PBX3: variants seen among roughly 807,000 people sequenced by gnomAD.
PBX3 encodes the protein pre-B-cell leukemia transcription factor 3.
In PBX3, 14 loss-of-function variants were observed where a neutral mutation model predicts 48.5. That is an observed-to-expected ratio of 0.29 (90% CI 0.19 to 0.45). PBX3 has a LOEUF of 0.45. Ranked by LOEUF, PBX3 falls within the 20% of genes least tolerant of loss-of-function variation. PBX3 has a pLI of 1.00. For synonymous variants in PBX3, 210 were observed against 200.3 expected, an observed-to-expected ratio of 1.05 and a Z score of -0.41; for missense variants, 386 against 546.7, an observed-to-expected ratio of 0.71 and a Z score of 2.93.
At chr9:125,794,628 T>TA (rs539613462) in intron 2 of PBX3, among the ~76,000 whole-genome samples, 54 of 151,128 alleles carry the variant, frequency 3.6e-4, no homozygotes, top group Admixed American at 1.1e-3. Context: ...CCTAAACAAT[T>TA]ATAATTACTC....
intron 3 of PBX3, among the ~76,000 whole-genome samples, chr9:125,928,416 G>T (rs1841633417): frequency 6.7e-6 from 1 of 148,342 alleles, no homozygotes; most frequent in Non-Finnish European, 1.5e-5. Flanking sequence ...GTGTGTGTGT[G>T]TGTGTGTTTT....
intron 2 of PBX3, among the ~76,000 whole-genome samples, chr9:125,760,703 A>T (rs749279370): frequency 3.3e-5 from 5 of 152,208 alleles, no homozygotes; most frequent in Non-Finnish European, 7.4e-5. Flanking sequence ...TGCCAAAATG[A>T]ACCATACCTT....
intron 5 of PBX3, among the ~76,000 whole-genome samples, chr9:125,946,568 A>C (rs1254780696): frequency 3.9e-5 from 6 of 152,204 alleles, no homozygotes; most frequent in Non-Finnish European, 8.8e-5. Context: ...TGTTAGAATC[A>C]AAATTAAGAA....
At position 125,759,674 on chromosome 9, in the gene PBX3, A is replaced by T. The variant is rs1472370596; in HGVS notation, c.274+11051A>T. ...GTGTTTTTGTGGCCCTCTCATCCGT[A>T]GCTAGGAGCAGTTTGTGGACCGCGT... is the stretch of plus-strand genomic sequence containing the variant. On this transcript the variant is annotated intron_variant, in intron 2 of 8. Coordinates refer to ENST00000373489, the MANE Select transcript of PBX3 (RefSeq NM_006195.6). The surrounding 1 kb of genome is among the most constrained non-coding windows in gnomAD (Gnocchi z 4.2). 6.6e-6 allele frequency among the ~76,000 whole-genome samples: 1 copy of T among 152,224 alleles called. No individual in the cohort carries two copies. Among genetic ancestry groups the T allele is most frequent in the African/African-American group, 2.4e-5 (1 of 41,464 alleles).
intron 2 of PBX3, 46 bp from the exon 3 acceptor site, chr9:125,915,640 G>A (rs1232536363): frequency 1.4e-6 from 2 of 1,472,348 alleles, no homozygotes; most frequent in African/African-American, 1.4e-5. Flanking sequence ...TTTGTCCTCT[G>A]TTTCTCGCTT....
At position 125,915,856 on chromosome 9, in the gene PBX3, C is replaced by T; in HGVS notation, c.445C>T (p.His149Tyr). The T allele has an allele frequency of 6.2e-7, 1 of 1,614,048 alleles. No individual in the cohort carries two copies. The highest frequency in any genetic ancestry group is 8.5e-7 in the Non-Finnish European group (1 of 1,179,986). ...AGGTTCTTCAGATAACTCTATTGAACACTCAGATTACAGAGCCAAATTGAC... is the reference window on the plus strand; with the variant it reads ...AGGTTCTTCAGATAACTCTATTGAATACTCAGATTACAGAGCCAAATTGAC... ...SGGSSDNSIE[H>Y]SDYRAKLTQI... Residue 149 changes from histidine to tyrosine, a missense_variant, in exon 3 of 9, where the codon CAC becomes TAC. His to Tyr is a moderately conservative substitution (Grantham distance 83, BLOSUM62 2). This residue lies in a region of PBX3 where 69 missense variants were observed against 99.1 expected (regional missense o/e 0.70). Coordinates refer to ENST00000373489, the MANE Select transcript of PBX3 (RefSeq NM_006195.6).
chr9:125,778,605 C>CTTTTTTTTTTTTTTTTTTTCTTT (rs138965100), intron 2 of PBX3, among the ~76,000 whole-genome samples: 1 of 132,902 alleles, frequency 7.5e-6, no homozygotes, highest in African/African-American at 2.8e-5. Context: ...TTGATCTTTT[C>CTTTTTTTTTTTTTTTTTTTCTTT]TTTTTTTTTT....
chr9:125,929,881 C>G, intron 4 of PBX3, 36 bp downstream of exon 4: 1 of 1,469,702 alleles, frequency 6.8e-7, no homozygotes, highest in Non-Finnish European at 9.5e-7. Flanking sequence ...ATGGCTTTCC[C>G]CCGTCTGTCA....
intron 2 of PBX3, among the ~76,000 whole-genome samples, chr9:125,823,353 C>T (rs1391130082): frequency 6.6e-6 from 1 of 152,178 alleles, no homozygotes; most frequent in Non-Finnish European, 1.5e-5. Flanking sequence ...GTACATGCTG[C>T]TCAGAAAATG....
chr9:125,747,977 C>G (rs1836246262), intron 1 of PBX3, among the ~76,000 whole-genome samples: 1 of 151,678 alleles, frequency 6.6e-6, no homozygotes, highest in Non-Finnish European at 1.5e-5. Context: ...CGGGCCGCGC[C>G]GCCGGGAAGT....
intron 2 of PBX3, among the ~76,000 whole-genome samples, chr9:125,761,038 C>A (rs1836652376): frequency 1.3e-5 from 2 of 152,042 alleles, no homozygotes; most frequent in South Asian, 4.1e-4. Flanking sequence ...AACGTTTTAT[C>A]ATATTTATTT....
intron 2 of PBX3, among the ~76,000 whole-genome samples, chr9:125,802,569 A>G (rs898420723): frequency 6.6e-6 from 1 of 151,750 alleles, no homozygotes; most frequent in African/African-American, 2.4e-5. Context: ...GGGTTTCACT[A>G]TGTTGTCCAG....
At chr9:125,847,733 T>A (rs923962689) in intron 2 of PBX3, among the ~76,000 whole-genome samples, 8 of 151,560 alleles carry the variant, frequency 5.3e-5, no homozygotes, top group East Asian at 3.9e-4. Flanking sequence ...TTTTTTTTTT[T>A]AACTGTGTTT....
intron 2 of PBX3, chr9:125,843,708 C>G (rs954441864): frequency 4.7e-6 from 2 of 427,764 alleles, no homozygotes; most frequent in Non-Finnish European, 9.5e-6. Flanking sequence ...CTCTGTTATG[C>G]TTTTAGTAGT....
chr9:125,916,845 G>A (rs890400635), intron 3 of PBX3, among the ~76,000 whole-genome samples: 4 of 152,052 alleles, frequency 2.6e-5, no homozygotes, highest in African/African-American at 4.8e-5. Context: ...TTTTAAAAAC[G>A]TATTATGAAA....
chr9:125,767,059 T>C (rs1836818041), intron 2 of PBX3, among the ~76,000 whole-genome samples: 1 of 152,230 alleles, frequency 6.6e-6, no homozygotes, highest in South Asian at 2.1e-4. Flanking sequence ...TGTGTTGCTG[T>C]CGCTCATCAG....
intron 2 of PBX3, among the ~76,000 whole-genome samples, chr9:125,788,262 A>G (rs529731044): frequency 6.6e-6 from 1 of 152,322 alleles, no homozygotes; most frequent in Non-Finnish European, 1.5e-5. Flanking sequence ...TATTATGTGA[A>G]TATTTACTAA....
intron 2 of PBX3, among the ~76,000 whole-genome samples, chr9:125,793,366 A>AAATATATATATATATATAT (rs59271982): frequency 9.8e-6 from 1 of 101,940 alleles, no homozygotes; most frequent in African/African-American, 4.2e-5. Flanking sequence ...GGAAAAAAAA[A>AAATATATATATATATATAT]ATATATATAT....
intron 5 of PBX3, among the ~76,000 whole-genome samples, chr9:125,937,189 G>T (rs7025502): frequency 0.069 from 10,503 of 152,122 alleles, 1,133 homozygotes; most frequent in African/African-American, 0.23. Context: ...AAAAACAATA[G>T]AATCTGGAGT....
Sources: gnomAD v4.1 joint callset for allele counts (sites outside exome capture counted in the v4.1 genomes callset) on GRCh38, gnomAD v4.1.1 for gene constraint, gnomAD v4.1.1 regional missense constraint, Gnocchi (gnomAD v3.1) non-coding constraint, MANE v1.5 for transcripts, NCBI Gene and HGNC (gene_info 2026-07-23, HGNC 2026-07-21) for gene names.